The following ZNF429 variants were observed in gnomAD, a reference collection of about 807,000 sequenced individuals.
The protein encoded by ZNF429 is zinc finger protein 429.
In ZNF429, 53 loss-of-function variants were observed where a neutral mutation model predicts 56.8. That is an observed-to-expected ratio of 0.93 (90% CI 0.75 to 1.17). The LOEUF is 1.17. ZNF429 is among the 50% of genes most tolerant of loss of function. The pLI is 0.00. For synonymous variants in ZNF429, 278 were observed against 264.7 expected (o/e 1.05, Z -0.49); for missense variants, 849 against 788.4 (o/e 1.08, Z -0.92).
At chr19:21,511,535 C>A (rs911495965) in intron 1 of ZNF429, among the ~76,000 whole-genome samples, 1 of 151,836 alleles carries the variant, frequency 6.6e-6, no homozygotes, top group Non-Finnish European at 1.5e-5. Flanking sequence ...CGGGAAGAGG[C>A]GCTCCTCACT....
chr19:21,519,113 G>C (rs943715552), intron 1 of ZNF429: 4 of 152,068 alleles, frequency 2.6e-5, no homozygotes, highest in South Asian at 2.1e-4. Context: ...CTCAAGGTGG[G>C]AAATTAAAGA....
intron 1 of ZNF429, among the ~76,000 whole-genome samples, chr19:21,513,140 G>A (rs541653959): frequency 6.6e-6 from 1 of 152,158 alleles, no homozygotes; most frequent in Non-Finnish European, 1.5e-5. Context: ...AAAAGTGCTG[G>A]GTTTACAGGC....
At chr19:21,524,177 G>C (rs1286709697) in intron 1 of ZNF429, among the ~76,000 whole-genome samples, 1 of 152,206 alleles carries the variant, frequency 6.6e-6, no homozygotes, top group Non-Finnish European at 1.5e-5. Context: ...AAGCATCGTA[G>C]GAGTGAGATC....
In ZNF429 at chr19:21,529,661, C is replaced by A. The variant is rs781380652; in HGVS notation, c.7C>A (p.Pro3Thr). ...TGTTGGTGTGTGTGTGTTTCAGGGA[C>A]CATTGACATTTACAGATGTGGCCAT... is the stretch of plus-strand genomic sequence containing the variant. MG[P>T]LTFTDVAIEF... Residue 3 changes from proline (P) to threonine (T), a missense_variant, in exon 2 of 4, where the codon CCA (proline) becomes ACA (threonine). Physicochemically the swap from Pro to Thr is conservative, Grantham distance 38. Coordinates refer to ENST00000358491, the MANE Select transcript of ZNF429 (RefSeq NM_001001415.4). 2.5e-6 allele frequency: 4 copies of A among 1,576,620 alleles called. No homozygotes were observed. In the South Asian group the frequency reaches 3.4e-5, roughly 14 times the overall value.
chr19:21,527,120 G>A lies in ZNF429; in HGVS notation c.4-2538G>A, dbSNP rs374436542. 3.3e-5 allele frequency among the ~76,000 whole-genome samples: 5 copies of A among 152,188 alleles called. No individual in the cohort carries two copies. The East Asian group carries it at 7.7e-4, about 23-fold the overall frequency. ...AAGAGTCCTGAGTGGAAGGGACTCT[G>A]TGCTGTGCCTGCTTTGTCTAACTAA... On this transcript the variant is annotated intron_variant, in intron 1 of 3. Transcript: ENST00000358491.
intron 2 of ZNF429, among the ~76,000 whole-genome samples, chr19:21,530,246 A>C: frequency 6.6e-6 from 1 of 151,974 alleles, no homozygotes; most frequent in Admixed American, 6.6e-5. Flanking sequence ...AATTTCTTCA[A>C]GATGTTTTGT....
intron 1 of ZNF429, among the ~76,000 whole-genome samples, chr19:21,508,244 A>G (rs2032279402): frequency 3.1e-5 from 4 of 129,096 alleles, no homozygotes; most frequent in East Asian, 2.0e-4. Context: ...ACTCCATCTG[A>G]AAAAAAAAAA....
At chr19:21,512,383 T>C (rs1444373344) in intron 1 of ZNF429, among the ~76,000 whole-genome samples, 1 of 151,978 alleles carries the variant, frequency 6.6e-6, no homozygotes, top group East Asian at 1.9e-4. Context: ...TAGAATGCCT[T>C]AACTGTGGGC....
intron 1 of ZNF429, 195 bp downstream of exon 1, chr19:21,505,969 T>C: frequency 1.9e-6 from 1 of 515,834 alleles, no homozygotes; most frequent in Non-Finnish European, 3.6e-6. Context: ...CCGGGCGTCC[T>C]GTCTTCCCTC....
chr19:21,525,275 G>T (rs963552614), intron 1 of ZNF429, among the ~76,000 whole-genome samples: 1 of 151,754 alleles, frequency 6.6e-6, no homozygotes, highest in African/African-American at 2.4e-5. Flanking sequence ...AACCTTAAGA[G>T]ATTTGCTTAA....
At chr19:21,508,475 G>A (rs530188162) in intron 1 of ZNF429, among the ~76,000 whole-genome samples, 10 of 152,208 alleles carry the variant, frequency 6.6e-5, no homozygotes, top group Admixed American at 5.9e-4. Flanking sequence ...TTTCTTATCA[G>A]CACTGCCACT....
chr19:21,505,806 G>T (rs781466970), intron 1 of ZNF429, 32 bp downstream of exon 1: 22 of 1,609,026 alleles, frequency 1.4e-5, no homozygotes, highest in African/African-American at 2.7e-5. Flanking sequence ...TCCCCAGAGA[G>T]GGGGAGGGGC....
chr19:21,528,114 C>T (rs1305222861), intron 1 of ZNF429, among the ~76,000 whole-genome samples: 5 of 152,040 alleles, frequency 3.3e-5, no homozygotes, highest in African/African-American at 9.7e-5. Context: ...GAATTCTCAC[C>T]GATTATAAAT....
At chr19:21,522,549 G>A (rs2033020213) in intron 1 of ZNF429, among the ~76,000 whole-genome samples, 2 of 152,144 alleles carry the variant, frequency 1.3e-5, no homozygotes, top group Non-Finnish European at 2.9e-5. Context: ...TTAGGTGCCA[G>A]CCAGGCTTTA....
intron 1 of ZNF429, among the ~76,000 whole-genome samples, chr19:21,516,548 T>A (rs2032753003): frequency 6.6e-6 from 1 of 152,228 alleles, no homozygotes; most frequent in Non-Finnish European, 1.5e-5. Flanking sequence ...GTTATTTTAA[T>A]GATACTGATT....
chr19:21,515,491 T>C (rs2032697232), intron 1 of ZNF429, among the ~76,000 whole-genome samples: 2 of 152,244 alleles, frequency 1.3e-5, no homozygotes, highest in African/African-American at 4.8e-5. Context: ...TATTAGACCT[T>C]TGTCAGAAGC....
At chr19:21,511,007 G>A (rs1421967358) in intron 1 of ZNF429, among the ~76,000 whole-genome samples, 4 of 152,028 alleles carry the variant, frequency 2.6e-5, no homozygotes, top group South Asian at 2.1e-4. Flanking sequence ...GCAACCATCC[G>A]ATTTCTCAAT....
intron 1 of ZNF429, among the ~76,000 whole-genome samples, chr19:21,511,388 C>G (rs561094367): frequency 6.6e-6 from 1 of 152,104 alleles, no homozygotes; most frequent in African/African-American, 2.4e-5. Context: ...ACGCTCCTCA[C>G]CTCCCAGACA....
intron 1 of ZNF429, among the ~76,000 whole-genome samples, chr19:21,511,522 A>G (rs1025805013): frequency 4.0e-5 from 6 of 150,112 alleles, no homozygotes; most frequent in Admixed American, 2.7e-4. Context: ...ATGGGATGGC[A>G]GCCGGGAAGA....
Sources: allele counts gnomAD v4.1 joint callset (sites outside exome capture counted in the v4.1 genomes callset), GRCh38; gene constraint gnomAD v4.1.1; transcripts MANE v1.5; gene names NCBI Gene and HGNC (gene_info 2026-07-23, HGNC 2026-07-21).